DISP3: variants seen among roughly 807,000 people sequenced by gnomAD.
The protein encoded by DISP3 is protein dispatched homolog 3.
DISP3 carries 101 observed loss-of-function variants against 135.3 expected under a neutral mutation model. The observed-to-expected ratio is 0.75, with a 90% CI of 0.64 to 0.88. DISP3 has a LOEUF of 0.88. DISP3 is among the 40% of genes least tolerant of loss of function. DISP3 has a pLI of 0.00. For missense variants in DISP3, 1,713 were observed against 1,878.6 expected, an observed-to-expected ratio of 0.91 and a Z score of 1.63; for synonymous variants, 856 against 817.0, an observed-to-expected ratio of 1.05 and a Z score of -0.81.
rs552821651 is a variant in DISP3, at chr1:11,519,036, A to G, written c.1890-319A>G. On this transcript the variant is annotated intron_variant, in intron 7 of 20. Coordinates refer to ENST00000294484, the MANE Select transcript of DISP3 (RefSeq NM_020780.2). This position sits in a 1 kb window ranked among gnomAD's most constrained non-coding sequence, Gnocchi z 4.3. ...AAGTTGGAGGCAGAGCCCCTGGGCC[A>G]CACAGCAGCAGAGGAATGAGTCCCC... Among the ~76,000 whole-genome samples, 54 of 152,226 alleles carry G rather than the reference A, an allele frequency of 3.5e-4. No homozygotes were observed. The highest frequency in any genetic ancestry group is 1.2e-3 in the African/African-American group (50 of 41,536).
intron 3 of DISP3, among the ~76,000 whole-genome samples, chr1:11,504,480 C>T (rs1641643000): frequency 6.6e-6 from 1 of 152,252 alleles, no homozygotes; most frequent in South Asian, 2.1e-4. Flanking sequence ...TAAATGCCCA[C>T]TACCTGCTAT....
At chr1:11,500,895 G>C in intron 1 of DISP3, 95 bp from the exon 2 acceptor site, 1 of 1,376,238 alleles carries the variant, frequency 7.3e-7, no homozygotes, top group Non-Finnish European at 1.0e-6. Context: ...GGTTATGAGT[G>C]GACAGGGTTG....
intron 3 of DISP3, among the ~76,000 whole-genome samples, chr1:11,509,658 C>G (rs1326238110): frequency 1.3e-5 from 2 of 152,090 alleles, no homozygotes; most frequent in African/African-American, 4.8e-5. Flanking sequence ...TATATTCTTT[C>G]CTCTGAAATT....
Position 11,520,671 on chromosome 1 carries a change from C to CACTCCAGGCGGAGTTA in DISP3, c.2201-16_2201-15insACTCCAGGCGGAGTTA. The CACTCCAGGCGGAGTTA allele has an allele frequency of 6.2e-7, 1 of 1,611,120 alleles. No homozygotes were observed. On this transcript the variant is annotated splice_polypyrimidine_tract_variant and intron_variant, in intron 9 of 20. Transcript: ENST00000294484. This position sits in a 1 kb window ranked among gnomAD's most constrained non-coding sequence, Gnocchi z 4.8. ...CTGGGCCCAGCCCCGCCTGGTGTAG[C>CACTCCAGGCGGAGTTA]GCCCTTTCCTCACAGGGCTGTTCGT...
chr1:11,531,079 G>T lies in DISP3; in HGVS notation c.3229+46G>T. ...TGGTTCCTCCGAGGGAGGATGGACTGACTGGGGAGGCACAGAGGCCGTGGT... is the reference window on the plus strand; with the variant it reads ...TGGTTCCTCCGAGGGAGGATGGACTTACTGGGGAGGCACAGAGGCCGTGGT... On this transcript the variant is annotated intron_variant, in intron 16 of 20. Transcript: ENST00000294484. This position sits in a 1 kb window ranked among gnomAD's most constrained non-coding sequence, Gnocchi z 5.2. 1.2e-6 allele frequency: 2 copies of T among 1,606,906 alleles called. No individual in the cohort carries two copies. Among genetic ancestry groups the T allele is most frequent in the South Asian group, 2.2e-5 (2 of 90,746 alleles).
In DISP3 at chr1:11,520,631, C is replaced by T. The variant is rs1180008292; in HGVS notation, c.2201-56C>T. ...TGTCTCCCGGCACTTTGGAGCCCCA[C>T]TGGGAACAGACCAGCTGGGCCCAGC... is the stretch of plus-strand genomic sequence containing the variant. On this transcript the variant is annotated intron_variant, in intron 9 of 20. Transcript: ENST00000294484. This position sits in a 1 kb window ranked among gnomAD's most constrained non-coding sequence, Gnocchi z 4.8. 8.9e-6 allele frequency: 14 copies of T among 1,576,862 alleles called. No homozygotes were observed. Among genetic ancestry groups the T allele is most frequent in the Non-Finnish European group, 1.2e-5 (14 of 1,156,380 alleles).
intron 1 of DISP3, among the ~76,000 whole-genome samples, chr1:11,485,669 GA>G (rs1641018869): frequency 6.6e-6 from 1 of 152,196 alleles, no homozygotes; most frequent in Non-Finnish European, 1.5e-5. Context: ...CAATCACCCT[GA>G]TGATAATGAT....
intron 13 of DISP3, among the ~76,000 whole-genome samples, chr1:11,527,779 A>C (rs1642466706): frequency 6.6e-6 from 1 of 152,068 alleles, no homozygotes; most frequent in Admixed American, 6.5e-5. Context: ...TGTGCCTAGA[A>C]TGCTTTTCCC....
intron 3 of DISP3, among the ~76,000 whole-genome samples, chr1:11,509,965 G>C (rs1175223214): frequency 6.6e-6 from 1 of 152,136 alleles, no homozygotes; most frequent in African/African-American, 2.4e-5. Flanking sequence ...TGGGCGTGGT[G>C]GTGGGTGCCT....
chr1:11,514,507 C>T lies in DISP3; in HGVS notation c.1434C>T (p.Tyr478=), dbSNP rs759713893. The T allele has an allele frequency of 5.0e-6, 8 of 1,613,970 alleles. No homozygotes were observed. The highest frequency in any genetic ancestry group is 2.7e-5 in the African/African-American group (2 of 74,950). The change falls in exon 4 of 21, where the codon TAC becomes TAT. Residue 478 remains tyrosine, a synonymous_variant. Transcript: ENST00000294484. The part of the protein sequence containing the change: ...ISSSCIAALV[Y]ILTSCSVFLS... ...GCAGCTGCATTGCTGCCCTGGTCTA[C>T]ATCCTCACCTCCTGCTCAGGTAGGG... is the stretch of plus-strand genomic sequence containing the variant.
Position 11,512,727 on chromosome 1 carries a change from C to A in DISP3, c.1317-1663C>A, listed in dbSNP as rs377206524. On this transcript the variant is annotated intron_variant, in intron 3 of 20. Transcript: ENST00000294484. ...ATTTTCAGGTATCTTTTCAGCAGAG[C>A]CCCACTCTACTGGTACCAATTTACT... Among the ~76,000 whole-genome samples, 190 of 152,302 alleles carry A rather than the reference C, an allele frequency of 1.2e-3. 4 individuals are homozygous for A. In the South Asian group the frequency reaches 0.033, roughly 26 times the overall value.
rs942738689 is a variant in DISP3 at position 11,531,228 on chromosome 1, A to C, written c.3229+195A>C. Among the ~76,000 whole-genome samples, 1 of 152,034 alleles carries C rather than the reference A, an allele frequency of 6.6e-6. No homozygotes were observed. The highest frequency in any genetic ancestry group is 1.5e-5 in the Non-Finnish European group (1 of 68,008). On this transcript the variant is annotated intron_variant, in intron 16 of 20. Coordinates refer to ENST00000294484, the MANE Select transcript of DISP3 (RefSeq NM_020780.2). The surrounding 1 kb of genome is among the most constrained non-coding windows in gnomAD (Gnocchi z 5.2). ...CGGCAGTCGAGGGTTTTTGGATGTG[A>C]GCAGGCTTGTGTGTGAACAGGACTG...
intron 1 of DISP3, among the ~76,000 whole-genome samples, chr1:11,496,456 T>C: frequency 6.6e-6 from 1 of 152,076 alleles, no homozygotes; most frequent in Non-Finnish European, 1.5e-5. Context: ...TCACAGCCCC[T>C]ACTCTACCCC....
intron 1 of DISP3, among the ~76,000 whole-genome samples, chr1:11,489,653 C>T (rs141111487): frequency 1.0e-3 from 152 of 152,352 alleles, no homozygotes; most frequent in African/African-American, 3.4e-3. Context: ...GAGAGCATCT[C>T]TTCCCGCTCC....
In DISP3 at chr1:11,499,216, C is replaced by T. The variant is rs905373552; in HGVS notation, c.-3-1774C>T. On this transcript the variant is annotated intron_variant, in intron 1 of 20. Coordinates refer to ENST00000294484, the MANE Select transcript of DISP3 (RefSeq NM_020780.2). The surrounding 1 kb of genome is among the most constrained non-coding windows in gnomAD (Gnocchi z 5.2). ...CAGAATCCTGGCCTTTGACCCCCTG[C>T]AACACCAACACACTGTAAACTGTAC... Among the ~76,000 whole-genome samples the T allele has an allele frequency of 1.3e-5, 2 of 152,186 alleles. No homozygotes were observed. The highest frequency in any genetic ancestry group is 2.9e-5 in the Non-Finnish European group (2 of 68,038).
chr1:11,518,146 G>A (rs182234871), intron 7 of DISP3, among the ~76,000 whole-genome samples: 12 of 152,326 alleles, frequency 7.9e-5, no homozygotes, highest in Admixed American at 7.2e-4. Flanking sequence ...GGATGGTGGT[G>A]GAGTTGAATC....
intron 17 of DISP3, among the ~76,000 whole-genome samples, chr1:11,532,081 G>T (rs1230695039): frequency 6.6e-6 from 1 of 152,140 alleles, no homozygotes; most frequent in East Asian, 1.9e-4. Flanking sequence ...CCAGACCCTG[G>T]CAGCCTCCCT....
At chr1:11,485,830 G>A (rs537876316) in intron 1 of DISP3, among the ~76,000 whole-genome samples, 65 of 152,334 alleles carry the variant, frequency 4.3e-4, no homozygotes, top group Admixed American at 1.4e-3. Context: ...GAAATGTGAA[G>A]TGCAGAGAGT....
At position 11,534,526 on chromosome 1, in the gene DISP3, T is replaced by C; in HGVS notation, c.3521T>C (p.Phe1174Ser). ...FQTCEHWKQIFMEIVGVQSAL... is the reference protein window; with the variant it reads ...FQTCEHWKQISMEIVGVQSAL... ...ACCTGCGAGCACTGGAAGCAGATAT[T>C]CATGGAAATCGTAGGCAAGCGGCAG... The change falls in exon 18 of 21, where the codon TTC becomes TCC. Residue 1174 changes from phenylalanine to serine, a missense_variant. Coordinates refer to ENST00000294484, the MANE Select transcript of DISP3 (RefSeq NM_020780.2). 1 of 1,608,504 alleles carries C rather than the reference T, an allele frequency of 6.2e-7. No individual in the cohort carries two copies. Among genetic ancestry groups the C allele is most frequent in the Non-Finnish European group, 8.5e-7 (1 of 1,176,138 alleles).
Sources: allele counts gnomAD v4.1 joint callset (sites outside exome capture counted in the v4.1 genomes callset), GRCh38; gene constraint gnomAD v4.1.1; non-coding constraint Gnocchi (gnomAD v3.1); transcripts MANE v1.5; gene names NCBI Gene and HGNC (gene_info 2026-07-23, HGNC 2026-07-21).